The following PRR12 variants were observed in gnomAD, a reference collection of about 807,000 sequenced individuals.
The protein encoded by PRR12 is proline-rich protein 12.
PRR12 carries 12 observed loss-of-function variants against 138.0 expected under a neutral mutation model. The observed-to-expected ratio is 0.09, with a 90% confidence interval of 0.06 to 0.14. The LOEUF is 0.14. PRR12 is among the 10% of genes least tolerant of loss of function. The probability of loss-of-function intolerance (pLI) is 1.00; values close to 1 mark genes in which losing one functional copy is unlikely to be tolerated. For missense variants in PRR12, 2,692 were observed against 2,861.3 expected, an observed-to-expected ratio of 0.94 and a Z score of 1.35; for synonymous variants, 1,567 against 1,291.7, an observed-to-expected ratio of 1.21 and a Z score of -4.57.
chr19:49,599,355 G>C lies in PRR12; in HGVS notation c.3762G>C (p.Leu1254=). Residue 1254 remains leucine, a synonymous_variant, in exon 5 of 14, where the codon CTG becomes CTC. Transcript: ENST00000418929. This position sits in a 1 kb window ranked among gnomAD's most constrained non-coding sequence, Gnocchi z 5.0. Reference sequence around the variant, plus strand: ...TATCAGGCACTGACCACAACAGCCTGGACTCGAGCCTGACTCGGGAGAAGA... The same window carrying C: ...TATCAGGCACTGACCACAACAGCCTCGACTCGAGCCTGACTCGGGAGAAGA... ...DAISGTDHNS[L]DSSLTREKIE... is the part of the protein sequence containing the mutation. 1 of 1,613,252 alleles carries C rather than the reference G, an allele frequency of 6.2e-7. No homozygotes were observed. The highest frequency in any genetic ancestry group is 1.3e-5 in the African/African-American group (1 of 75,052).
At chr19:49,624,701 T>A in intron 11 of PRR12, 143 bp from the exon 12 acceptor site, 1 of 1,265,190 alleles carries the variant, frequency 7.9e-7, no homozygotes, top group Non-Finnish European at 1.1e-6. Context: ...AGGCCCAGCC[T>A]CCTCTGTCCT....
At position 49,596,335 on chromosome 19, in the gene PRR12, C is replaced by T. The variant is rs747865763; in HGVS notation, c.2000C>T (p.Ala667Val). 3.1e-6 allele frequency: 5 copies of T among 1,609,830 alleles called. No individual in the cohort carries two copies. The East Asian group carries it at 6.7e-5, about 22-fold the overall frequency. Reference sequence around the variant, plus strand: ...GACGGCTTGGTGGGCGAGGACGGGGCAGCAGATGCCTCTAAGGGACTTGGG... The same window carrying T: ...GACGGCTTGGTGGGCGAGGACGGGGTAGCAGATGCCTCTAAGGGACTTGGG... ...GADGLVGEDGAADASKGLGGS... is the reference protein window; with the variant it reads ...GADGLVGEDGVADASKGLGGS... The change falls in exon 4 of 14, where the codon GCA (alanine) becomes GTA (valine). Residue 667 changes from alanine to valine, a missense_variant. Ala to Val is a moderately conservative substitution (Grantham distance 64, BLOSUM62 0). Transcript: ENST00000418929. This position sits in a 1 kb window ranked among gnomAD's most constrained non-coding sequence, Gnocchi z 5.6.
In PRR12 at chr19:49,615,133, G is replaced by C. The variant is rs11879123; in HGVS notation, c.5024+124G>C. The C allele has an allele frequency of 4.1e-3, 5,660 of 1,387,238 alleles. 200 individuals carry two copies. In the African/African-American group the frequency reaches 0.07, roughly 17 times the overall value. 85.9% of individuals were successfully genotyped at this position (1,387,238 alleles called of 1,614,324 possible). A position where few individuals can be genotyped will look rare whatever the true frequency, so the allele number is the denominator to read the frequency against. ...ACAGAGAGAGGAGACAGAGCCCAGA[G>C]AGAGAGGGGGACAGAGACCCGGAGA... is the stretch of plus-strand genomic sequence containing the variant. On this transcript the variant is annotated intron_variant, in intron 8 of 13. Coordinates refer to ENST00000418929, the MANE Select transcript of PRR12 (RefSeq NM_020719.3).
At position 49,595,551 on chromosome 19, in the gene PRR12, C is replaced by G. The variant is rs1246342125; in HGVS notation, c.1216C>G (p.Pro406Ala). The change falls in exon 4 of 14, where the codon CCC (proline) becomes GCC (alanine). Residue 406 changes from proline to alanine, a missense_variant. Pro to Ala is a conservative substitution (Grantham distance 27). This residue lies in a region of PRR12 where 523 missense variants were observed against 496.4 expected (regional missense o/e 1.05). Transcript: ENST00000418929. ...AGCAGCTGCCGGGGGTGCCACCAGG[C>G]CCCCCCCACCCCGTTCGACCGCCAC... ...YGAAAGGATR[P>A]PPPRSTATPK... The G allele has an allele frequency of 7.6e-6, 12 of 1,580,510 alleles. No homozygotes were observed. The highest frequency in any genetic ancestry group is 3.6e-5 in the Admixed American group (2 of 55,838).
At chr19:49,608,086 AAAGTT>A (rs1303308225) in intron 6 of PRR12, among the ~76,000 whole-genome samples, 8 of 152,142 alleles carry the variant, frequency 5.3e-5, no homozygotes, top group Non-Finnish European at 1.2e-4. Context: ...ACTAAAATGA[AAAGTT>A]AAGAGGTTTT....
chr19:49,598,291 G>C (rs1475448797), intron 4 of PRR12, among the ~76,000 whole-genome samples: 3 of 151,686 alleles, frequency 2.0e-5, no homozygotes, highest in Non-Finnish European at 4.4e-5. Context: ...AGTCAGGATG[G>C]TCTCGATCTC....
At position 49,595,845 on chromosome 19, in the gene PRR12, G is replaced by T; in HGVS notation, c.1510G>T (p.Gly504Trp). The T allele has an allele frequency of 6.2e-7, 1 of 1,601,486 alleles. No homozygotes were observed. The highest frequency in any genetic ancestry group is 8.5e-7 in the Non-Finnish European group (1 of 1,178,188). ...GAGCTACTCCCCGGACCAGCTGCAG[G>T]GGCAGCTGTATGGGGTGCAGGGCGA... is the stretch of plus-strand genomic sequence containing the variant. ...CQSYSPDQLQ[G>W]QLYGVQGEPY... Residue 504 changes from glycine to tryptophan, a missense_variant, in exon 4 of 14, where the codon GGG (glycine) becomes TGG (tryptophan). Gly to Trp is a radical substitution (Grantham distance 184, BLOSUM62 -2). This residue lies in a region of PRR12 where 523 missense variants were observed against 496.4 expected (regional missense o/e 1.05). Transcript: ENST00000418929.
chr19:49,618,523 G>T (rs897249931), intron 9 of PRR12, among the ~76,000 whole-genome samples: 1 of 152,016 alleles, frequency 6.6e-6, no homozygotes. Flanking sequence ...AAGTAGCTGG[G>T]ACTATAGATG....
At chr19:49,601,949 C>T (rs1483668547) in intron 6 of PRR12, 31 bp downstream of exon 6, 2 of 1,599,408 alleles carry the variant, frequency 1.3e-6, no homozygotes, top group Admixed American at 1.7e-5. Flanking sequence ...GAAACTGGGC[C>T]TGATGGGTTT....
At chr19:49,610,625 C>T (rs1172091558) in intron 6 of PRR12, among the ~76,000 whole-genome samples, 7 of 148,194 alleles carry the variant, frequency 4.7e-5, no homozygotes, top group Non-Finnish European at 1.0e-4. Context: ...TCACTACAAG[C>T]TCCGCCTCTG....
intron 6 of PRR12, among the ~76,000 whole-genome samples, chr19:49,611,607 C>T (rs2080866136): frequency 6.7e-6 from 1 of 150,106 alleles, no homozygotes; most frequent in Admixed American, 6.7e-5. Context: ...CACTGTACTC[C>T]ACCCTAGGCG....
rs569292023 is a variant in PRR12, at chr19:49,594,268, T to C, written c.200-186T>C. ...TTGTCTTGCTTTACTGTCTCACCTT[T>C]CCCCCTTCCCTCCCCTCATTCATGT... is the stretch of plus-strand genomic sequence containing the variant. On this transcript the variant is annotated intron_variant, in intron 2 of 13. Coordinates refer to ENST00000418929, the MANE Select transcript of PRR12 (RefSeq NM_020719.3). This position sits in a 1 kb window ranked among gnomAD's most constrained non-coding sequence, Gnocchi z 5.6. 3.7e-3 allele frequency among the ~76,000 whole-genome samples: 566 copies of C among 152,052 alleles called. 3 individuals are homozygous for C. Among genetic ancestry groups the C allele is most frequent in the African/African-American group, 0.013 (546 of 41,470 alleles).
intron 9 of PRR12, among the ~76,000 whole-genome samples, chr19:49,619,575 CTTG>C (rs1238270897): frequency 1.9e-5 from 2 of 107,890 alleles, no homozygotes; most frequent in Non-Finnish European, 3.5e-5. Context: ...GAGTTTCGCT[CTTG>C]TTGTCCAGGC....
chr19:49,600,492 A>C (rs2080804162), intron 5 of PRR12, among the ~76,000 whole-genome samples: 1 of 151,556 alleles, frequency 6.6e-6, no homozygotes, highest in East Asian at 1.9e-4. Flanking sequence ...AAAAAAAAAA[A>C]AAACCATGAC....
intron 10 of PRR12, 145 bp downstream of exon 10, chr19:49,620,622 G>A: frequency 8.0e-7 from 1 of 1,245,722 alleles, no homozygotes; most frequent in Non-Finnish European, 1.1e-6. Flanking sequence ...CCTGGACCTG[G>A]GTCTGAGAGA....
chr19:49,595,607 AGCC>A lies in PRR12; in HGVS notation c.1276_1278del (p.Ala426del), dbSNP rs1231073547. The A allele has an allele frequency of 6.2e-7, 1 of 1,607,376 alleles. No homozygotes were observed. Among genetic ancestry groups the A allele is most frequent in the African/African-American group, 1.3e-5 (1 of 74,926 alleles). On this transcript the variant is annotated inframe_deletion, in exon 4 of 14. Coordinates refer to ENST00000418929, the MANE Select transcript of PRR12 (RefSeq NM_020719.3). ...AATGTCAGAGCCTGGGTGGGCCAGC[AGCC>A]GCCTATGCCACTGGGAAGGCCTCTG...
At chr19:49,607,875 C>T (rs762847339) in intron 6 of PRR12, among the ~76,000 whole-genome samples, 5 of 151,404 alleles carry the variant, frequency 3.3e-5, no homozygotes, top group Admixed American at 6.6e-5. Context: ...AAAAATTAGC[C>T]GGGCGTGGGG....
rs1389223297 is a variant in PRR12, at chr19:49,597,870, C to G, written c.3535C>G (p.Leu1179Val). 2.1e-6 allele frequency: 3 copies of G among 1,452,020 alleles called. No homozygotes were observed. In the East Asian group the frequency reaches 7.5e-5, roughly 36 times the overall value. The allele number at this position is 1,452,020 out of a possible 1,614,324, so 89.9% of individuals were successfully genotyped here. ...ACGGGGGAGGCCCCGGATCCGCCCC[C>G]TGGAGGTCCCGACCACTGCGGGGCC... ...RPRGRPRIRP[L>V]EVPTTAGPAS... The change falls in exon 4 of 14, where the codon CTG (leucine) becomes GTG (valine). Residue 1179 changes from leucine (L) to valine (V), a missense_variant. Transcript: ENST00000418929. This position sits in a 1 kb window ranked among gnomAD's most constrained non-coding sequence, Gnocchi z 6.3.
chr19:49,596,999 G>A lies in PRR12; in HGVS notation c.2664G>A (p.Glu888=). ...TGCAGGAATTGCTCGGGGCTCTGGA[G>A]CCGCTGCCCCCGGCGCCTGGGGATA... The part of the protein sequence containing the change: ...GAMQELLGAL[E]PLPPAPGDTG... The change falls in exon 4 of 14, where the codon GAG becomes GAA. Residue 888 remains glutamate, a synonymous_variant. Coordinates refer to ENST00000418929, the MANE Select transcript of PRR12 (RefSeq NM_020719.3). The surrounding 1 kb of genome is among the most constrained non-coding windows in gnomAD (Gnocchi z 5.6). The A allele has an allele frequency of 1.3e-6, 2 of 1,558,870 alleles. No homozygotes were observed. The highest frequency in any genetic ancestry group is 8.7e-7 in the Non-Finnish European group (1 of 1,154,936).
Sources: gnomAD v4.1 joint callset for allele counts (sites outside exome capture counted in the v4.1 genomes callset) on GRCh38, gnomAD v4.1.1 for gene constraint, gnomAD v4.1.1 regional missense constraint, Gnocchi (gnomAD v3.1) non-coding constraint, MANE v1.5 for transcripts, NCBI Gene and HGNC (gene_info 2026-07-23, HGNC 2026-07-21) for gene names.